The following PDGFRL variants were observed in gnomAD, a reference collection of about 807,000 sequenced individuals.
The protein encoded by PDGFRL is platelet-derived growth factor receptor-like protein.
A neutral mutation model predicts 37.2 loss-of-function variants in PDGFRL; 46 were observed. The ratio of observed to expected loss-of-function variants is 1.24; its 90% CI spans 0.98 to 1.58. PDGFRL has a LOEUF of 1.58. Among genes scored for constraint, PDGFRL ranks in the 40% most tolerant of loss-of-function variants. The pLI is 0.00. For missense variants in PDGFRL, 692 were observed against 467.6 expected (o/e 1.48, Z -4.43); for synonymous variants, 251 against 184.3 (o/e 1.36, Z -2.93).
rs541086616 is a variant in PDGFRL, at chr8:17,582,580, C to CAAAAA, written c.55+5289_55+5293dup. Among the ~76,000 whole-genome samples the CAAAAA allele has an allele frequency of 7.5e-5, 8 of 107,060 alleles. No homozygotes were observed. In the South Asian group the frequency reaches 2.6e-3, roughly 35 times the overall value. The allele number at this position is 107,060 out of a possible 152,430, so 70.2% of individuals were successfully genotyped here. On this transcript the variant is annotated intron_variant, in intron 1 of 5. Transcript: ENST00000251630. ...CTGGTGACAGAGTGAGACTCTGTCT[C>CAAAAA]AAAAAAAAAAAAAAAAAAAACTTAG...
chr8:17,629,945 T>A (rs886289483), intron 4 of PDGFRL, among the ~76,000 whole-genome samples: 2 of 152,010 alleles, frequency 1.3e-5, no homozygotes, highest in African/African-American at 4.8e-5. Flanking sequence ...TCCCACCACA[T>A]CAGTACTCAC....
intron 3 of PDGFRL, among the ~76,000 whole-genome samples, chr8:17,626,083 T>G (rs1804728404): frequency 6.6e-6 from 1 of 152,260 alleles, no homozygotes; most frequent in Non-Finnish European, 1.5e-5. Flanking sequence ...TCGCTTCAGA[T>G]TATTCTACAC....
intron 5 of PDGFRL, among the ~76,000 whole-genome samples, chr8:17,636,288 G>C (rs890813745): frequency 6.1e-5 from 9 of 148,706 alleles, no homozygotes; most frequent in African/African-American, 1.7e-4. Context: ...GTTGATTTTT[G>C]TATAAGGTGA....
Position 17,597,961 on chromosome 8 carries a change from A to G in PDGFRL, c.353+8196A>G, listed in dbSNP as rs144276165. Among the ~76,000 whole-genome samples the G allele has an allele frequency of 5.3e-3, 809 of 151,916 alleles. 12 individuals are homozygous for G. Among genetic ancestry groups the G allele is most frequent in the African/African-American group, 0.018 (764 of 41,524 alleles). On this transcript the variant is annotated intron_variant, in intron 2 of 5. Transcript: ENST00000251630. Reference sequence around the variant, plus strand: ...TTGATGACAATATGGTATTCCATCAATGTTATATAGCATTGTGTTCTTACC... The same window carrying G: ...TTGATGACAATATGGTATTCCATCAGTGTTATATAGCATTGTGTTCTTACC...
At chr8:17,600,348 C>T (rs150914061) in intron 2 of PDGFRL, among the ~76,000 whole-genome samples, 105 of 152,252 alleles carry the variant, frequency 6.9e-4, no homozygotes, top group Non-Finnish European at 1.3e-3. Context: ...GAGTCCTCTT[C>T]ACCAGCTCTG....
chr8:17,599,752 C>T (rs1039663363), intron 2 of PDGFRL, among the ~76,000 whole-genome samples: 75 of 152,238 alleles, frequency 4.9e-4, no homozygotes, highest in African/African-American at 1.7e-3. Context: ...GAAATTATCC[C>T]CTAACTTATT....
chr8:17,624,739 T>G (rs1585327536), intron 3 of PDGFRL, among the ~76,000 whole-genome samples: 1 of 152,066 alleles, frequency 6.6e-6, no homozygotes, highest in East Asian at 1.9e-4. Context: ...CGAAACTCCC[T>G]CTGTACTAAA....
chr8:17,591,667 G>A (rs142905388), intron 2 of PDGFRL, among the ~76,000 whole-genome samples: 7 of 152,324 alleles, frequency 4.6e-5, no homozygotes, highest in African/African-American at 1.4e-4. Context: ...TGTAATCCCA[G>A]CACTTTGGGA....
intron 2 of PDGFRL, among the ~76,000 whole-genome samples, chr8:17,600,353 G>A (rs1216601225): frequency 6.6e-6 from 1 of 152,038 alleles, no homozygotes; most frequent in Non-Finnish European, 1.5e-5. Flanking sequence ...CTCTTCACCA[G>A]CTCTGAATCC....
chr8:17,600,815 C>A (rs866956388), intron 2 of PDGFRL, among the ~76,000 whole-genome samples: 26 of 144,304 alleles, frequency 1.8e-4, no homozygotes, highest in East Asian at 1.3e-3. Context: ...AAAAAAAAAA[C>A]AAAAAAACCT....
intron 3 of PDGFRL, among the ~76,000 whole-genome samples, chr8:17,625,320 CTT>C (rs1007521113): frequency 3.3e-5 from 5 of 152,172 alleles, no homozygotes; most frequent in African/African-American, 1.2e-4. Context: ...CCCAACGAAT[CTT>C]TGTATTTTTA....
intron 2 of PDGFRL, among the ~76,000 whole-genome samples, chr8:17,590,914 G>A (rs1419147915): frequency 2.1e-5 from 3 of 141,812 alleles, no homozygotes; most frequent in African/African-American, 7.8e-5. Context: ...ACGGAGTCTC[G>A]CTCTGTCCCA....
chr8:17,592,142 C>T (rs770423281), intron 2 of PDGFRL, among the ~76,000 whole-genome samples: 1 of 152,188 alleles, frequency 6.6e-6, no homozygotes. Context: ...GCCAGTTCAG[C>T]CTTCACTTTA....
intron 1 of PDGFRL, among the ~76,000 whole-genome samples, chr8:17,578,629 G>A (rs528511939): frequency 2.0e-5 from 3 of 152,264 alleles, no homozygotes; most frequent in Non-Finnish European, 4.4e-5. Flanking sequence ...GGCAGGAGAT[G>A]GCCAGGCAAA....
Position 17,634,208 on chromosome 8 carries a change from C to T in PDGFRL, c.934C>T (p.Gln312Ter). The change falls in exon 5 of 6, where the codon CAG (glutamine) becomes TAG (stop). Residue 312 changes from glutamine (Q) to a stop codon, truncating the protein, a stop_gained. Coordinates refer to ENST00000251630, the MANE Select transcript of PDGFRL (RefSeq NM_001372073.1). LOFTEE classifies it high-confidence loss of function. ...EVEFTWIFPGQKDERPVTIQD... is the reference protein window; with the variant it reads ...EVEFTWIFPG ...GGAGTTCACCTGGATCTTCCCAGGG[C>T]AGAAGGTAAGTGTTGTACCTGCATC... 1.9e-6 allele frequency: 3 copies of T among 1,611,238 alleles called. 1 individual carries two copies. Among genetic ancestry groups the T allele is most frequent in the East Asian group, 4.5e-5 (2 of 44,842 alleles).
intron 5 of PDGFRL, among the ~76,000 whole-genome samples, chr8:17,635,330 T>C (rs2129835017): frequency 6.6e-6 from 1 of 152,036 alleles, no homozygotes; most frequent in East Asian, 1.9e-4. Context: ...CATTGTGTCA[T>C]TCTTATGTCT....
intron 2 of PDGFRL, among the ~76,000 whole-genome samples, chr8:17,614,279 C>A (rs768049732): frequency 6.6e-6 from 1 of 152,008 alleles, no homozygotes; most frequent in Non-Finnish European, 1.5e-5. Flanking sequence ...TTTTTTCTTT[C>A]TTTTTTAAAG....
chr8:17,623,072 C>T (rs540806060), intron 3 of PDGFRL, among the ~76,000 whole-genome samples: 3 of 152,298 alleles, frequency 2.0e-5, no homozygotes, highest in South Asian at 2.1e-4. Flanking sequence ...TCCACAACAT[C>T]CCTGGGAAAT....
upstream of PDGFRL, chr8:17,576,706 C>T (rs1803587195): frequency 4.1e-6 from 4 of 985,288 alleles, no homozygotes; most frequent in Non-Finnish European, 4.8e-6. Flanking sequence ...GGTGCGGAGA[C>T]CAACTCTGGC....
Sources: allele counts gnomAD v4.1 joint callset (sites outside exome capture counted in the v4.1 genomes callset), GRCh38; gene constraint gnomAD v4.1.1; transcripts MANE v1.5; gene names NCBI Gene and HGNC (gene_info 2026-07-23, HGNC 2026-07-21).